The following LINGO1 variants were observed in gnomAD, a reference collection of about 807,000 sequenced individuals.
The protein encoded by LINGO1 is leucine-rich repeat and immunoglobulin-like domain-containing nogo receptor-interacting protein 1.
LINGO1 carries 11 observed loss-of-function variants against 37.3 expected under a neutral mutation model. That is an observed-to-expected ratio of 0.29 (90% CI 0.19 to 0.49). The LOEUF (loss-of-function observed/expected upper bound fraction) is 0.49, where lower values mean the gene tolerates loss of function less well. Ranked by LOEUF, LINGO1 falls within the 20% of genes least tolerant of loss-of-function variation. LINGO1 has a pLI of 0.99. For synonymous variants in LINGO1, 387 were observed against 403.0 expected (o/e 0.96, Z 0.48); for missense variants, 585 against 878.2 (o/e 0.67, Z 4.22).
Position 77,614,017 on chromosome 15 carries a change from C to G in LINGO1, c.*27G>C, listed in dbSNP as rs769332421. 6.5e-7 allele frequency: 1 copy of G among 1,539,486 alleles called. No individual in the cohort carries two copies. Among genetic ancestry groups the G allele is most frequent in the Non-Finnish European group, 8.8e-7 (1 of 1,140,398 alleles). ...AGGCCCCTTCCCCTGCCCGGCCGCC[C>G]GGGGGTCCCTGCCCCCCGCCCCGGC... On this transcript the variant is annotated 3_prime_UTR_variant, in exon 2 of 2. Transcript: ENST00000355300.
At chr15:77,691,037 G>C (rs2075594064) in intron 1 of LINGO1, 1 of 152,282 alleles carries the variant, frequency 6.6e-6, no homozygotes, top group Non-Finnish European at 1.5e-5. Flanking sequence ...CTCTAGACCA[G>C]CACTGTTTGA....
At chr15:77,778,988 T>C (rs1017896468) in intron 1 of LINGO1, among the ~76,000 whole-genome samples, 1 of 152,262 alleles carries the variant, frequency 6.6e-6, no homozygotes, top group Admixed American at 6.5e-5. Flanking sequence ...TCTCCACCCA[T>C]TCTGGCCTCC....
chr15:77,630,868 T>TTG (rs2074234951), intron 1 of LINGO1, among the ~76,000 whole-genome samples: 1 of 152,150 alleles, frequency 6.6e-6, no homozygotes, highest in South Asian at 2.1e-4. Flanking sequence ...CAAGGAGTTA[T>TTG]TGGTCTCTCC....
intron 2 of LINGO1, among the ~76,000 whole-genome samples, chr15:77,725,710 G>A (rs1596159751): frequency 6.6e-6 from 1 of 152,246 alleles, no homozygotes; most frequent in East Asian, 1.9e-4. Flanking sequence ...GCGACAGGCA[G>A]CTCCTGTGAG....
intron 1 of LINGO1, among the ~76,000 whole-genome samples, chr15:77,778,622 C>G (rs1326090592): frequency 6.6e-6 from 1 of 152,218 alleles, no homozygotes; most frequent in East Asian, 1.9e-4. Flanking sequence ...TGCAGCAGAT[C>G]CACCATCAGC....
intron 2 of LINGO1, among the ~76,000 whole-genome samples, chr15:77,716,284 T>C: frequency 7.1e-6 from 1 of 140,642 alleles, no homozygotes. Context: ...CTTCTTCTTT[T>C]TTTTTTTTTT....
At chr15:77,622,407 T>C (rs754839815) in intron 1 of LINGO1, among the ~76,000 whole-genome samples, 3 of 152,138 alleles carry the variant, frequency 2.0e-5, no homozygotes, top group Non-Finnish European at 2.9e-5. Context: ...CACCTGTGCC[T>C]ATCAGCCTGG....
At position 77,701,783 on chromosome 15, in the gene LINGO1, CCT is replaced by C. The variant is rs573675489; in HGVS notation, c.-194-10884_-194-10883del. Among the ~76,000 whole-genome samples the C allele has an allele frequency of 6.6e-3, 1,008 of 152,266 alleles. 19 individuals carry two copies. Among genetic ancestry groups the C allele is most frequent in the African/African-American group, 0.023 (962 of 41,556 alleles). On this transcript the variant is annotated intron_variant, in intron 2 of 3. Transcript: ENST00000561686. ...TGCTCTCTGGCACGAGTGGAAGCTCCCTGAGGCCCCCTCCCCTGATGCAGATG... is the reference window on the plus strand; with the variant it reads ...TGCTCTCTGGCACGAGTGGAAGCTCCGAGGCCCCCTCCCCTGATGCAGATG...
At chr15:77,742,642 C>A (rs1390587220) in intron 1 of LINGO1, among the ~76,000 whole-genome samples, 2 of 152,222 alleles carry the variant, frequency 1.3e-5, no homozygotes, top group Non-Finnish European at 2.9e-5. Flanking sequence ...TCCCAGCTAA[C>A]AATGAGAAAA....
chr15:77,663,201 G>A lies in LINGO1; in HGVS notation c.-13+13888C>T, dbSNP rs74844064. Among the ~76,000 whole-genome samples, 1,488 of 152,336 alleles carry A rather than the reference G, an allele frequency of 9.8e-3. 17 individuals carry two copies. The highest frequency in any genetic ancestry group is 0.017 in the Non-Finnish European group (1,123 of 68,030). On this transcript the variant is annotated intron_variant, in intron 3 of 3. Transcript: ENST00000559893. Reference sequence around the variant, plus strand: ...CACGCATGGCCATGCCCTGGTAGAAGGAAGCAGAGATGTGCTGGGTCACCT... The same window carrying A: ...CACGCATGGCCATGCCCTGGTAGAAAGAAGCAGAGATGTGCTGGGTCACCT...
At chr15:77,620,751 A>G (rs2073892661) in intron 1 of LINGO1, among the ~76,000 whole-genome samples, 1 of 152,150 alleles carries the variant, frequency 6.6e-6, no homozygotes, top group South Asian at 2.1e-4. Flanking sequence ...TCTCTGTGGG[A>G]GGGGGGCTCA....
chr15:77,767,199 C>T (rs905745851), intron 1 of LINGO1, among the ~76,000 whole-genome samples: 1 of 152,136 alleles, frequency 6.6e-6, no homozygotes, highest in Admixed American at 6.5e-5. Context: ...CTAGAAGCTT[C>T]CAGAAAATAA....
chr15:77,789,150 A>G (rs945309163), upstream of LINGO1, among the ~76,000 whole-genome samples: 1 of 152,216 alleles, frequency 6.6e-6, no homozygotes, highest in African/African-American at 2.4e-5. Flanking sequence ...TAGGGATTGA[A>G]TTGTGTGCCT....
At chr15:77,719,683 T>C (rs28379266) in intron 2 of LINGO1, among the ~76,000 whole-genome samples, 1 of 149,800 alleles carries the variant, frequency 6.7e-6, no homozygotes, top group Non-Finnish European at 1.5e-5. Flanking sequence ...CTAGAACACA[T>C]ACACACACAC....
intron 1 of LINGO1, among the ~76,000 whole-genome samples, chr15:77,742,010 C>A (rs2076269330): frequency 6.6e-6 from 1 of 152,158 alleles, no homozygotes; most frequent in Non-Finnish European, 1.5e-5. Flanking sequence ...GCCTCCAATG[C>A]CAGGCAAAGG....
At chr15:77,736,319 C>T (rs527567254) in intron 1 of LINGO1, among the ~76,000 whole-genome samples, 29 of 152,176 alleles carry the variant, frequency 1.9e-4, no homozygotes, top group Non-Finnish European at 3.7e-4. Context: ...TGAGACCTTT[C>T]CCTGTCCATA....
intron 1 of LINGO1, among the ~76,000 whole-genome samples, chr15:77,766,297 C>CAAAAAA (rs71447163): frequency 4.1e-5 from 2 of 49,054 alleles, no homozygotes; most frequent in African/African-American, 8.4e-5. Context: ...GACCCTGTCT[C>CAAAAAA]AAAAAAAAAA....
Position 77,704,354 on chromosome 15 carries a change from T to C in LINGO1, c.-194-13453A>G, listed in dbSNP as rs527794070. 2.9e-3 allele frequency among the ~76,000 whole-genome samples: 438 copies of C among 151,402 alleles called. 5 individuals carry two copies. Among genetic ancestry groups the C allele is most frequent in the African/African-American group, 0.01 (423 of 40,832 alleles). ...GCTGAGCTCCAACCATGGCCACACA[T>C]TAAGCCCCGACGCTGGTCACATACT... On this transcript the variant is annotated intron_variant, in intron 2 of 3. Coordinates refer to the LINGO1 transcript ENST00000561686.
intron 1 of LINGO1, among the ~76,000 whole-genome samples, chr15:77,691,761 G>A (rs1046325001): frequency 6.6e-6 from 1 of 151,982 alleles, no homozygotes; most frequent in African/African-American, 2.4e-5. Flanking sequence ...TGCCAAGAGA[G>A]TATTACACAG....
Sources: allele counts gnomAD v4.1 joint callset (sites outside exome capture counted in the v4.1 genomes callset), GRCh38; gene constraint gnomAD v4.1.1; transcripts MANE v1.5; gene names NCBI Gene and HGNC (gene_info 2026-07-23, HGNC 2026-07-21).